The following TP63 variants were observed in gnomAD, a reference collection of about 807,000 sequenced individuals.
The protein encoded by TP63 is tumor protein 63.
TP63 carries 17 observed loss-of-function variants against 82.8 expected under a neutral mutation model. That is an observed-to-expected ratio of 0.21 (90% CI 0.14 to 0.31). The LOEUF is 0.31. Ranked by LOEUF, TP63 falls within the 10% of genes least tolerant of loss-of-function variation. The pLI, the probability that TP63 is intolerant of heterozygous loss-of-function variation, is 1.00. For synonymous variants in TP63, 330 were observed against 321.7 expected (o/e 1.03, Z -0.28); for missense variants, 648 against 895.3 (o/e 0.72, Z 3.52).
intron 1 of TP63, among the ~76,000 whole-genome samples, chr3:189,696,733 G>A (rs1717408963): frequency 6.6e-6 from 1 of 151,762 alleles, no homozygotes; most frequent in South Asian, 2.1e-4. Context: ...TTATACTTTA[G>A]CCATTATAAT....
rs2108637106 is a variant in TP63 at position 189,808,293 on chromosome 3, C to T, written c.346C>T (p.Leu116Phe). ...PMWPQYTNLG[L>F]LNSMDQQIQN... is the part of the protein sequence containing the mutation. ...GCAGCCACAGTACACGAACCTGGGG[C>T]TCCTGAACAGCATGGACCAGCAGAT... Residue 116 changes from leucine (L) to phenylalanine (F), a missense_variant, in exon 4 of 14, where the codon CTC becomes TTC. By Grantham distance (22) the Leu-to-Phe change is conservative. Around this residue, in one of 5 missense-constraint regions of TP63, gnomAD observed 182 missense variants for 213.6 expected, o/e 0.85. Transcript: ENST00000264731. 2 of 1,614,200 alleles carry T rather than the reference C, an allele frequency of 1.2e-6. No individual in the cohort carries two copies. The highest frequency in any genetic ancestry group is 1.7e-6 in the Non-Finnish European group (2 of 1,180,040).
chr3:189,844,881 T>C (rs6780540), intron 4 of TP63, among the ~76,000 whole-genome samples: 72,246 of 151,970 alleles, frequency 0.48, 18,225 homozygotes, highest in African/African-American at 0.65. Flanking sequence ...CTCATTTCTC[T>C]TCCCTAAATC....
At chr3:189,704,820 G>T (rs74421344) in intron 1 of TP63, among the ~76,000 whole-genome samples, 5,501 of 152,230 alleles carry the variant, frequency 0.036, 138 homozygotes, top group Non-Finnish European at 0.053. Context: ...ACTAGAAAAT[G>T]CTTTTAAAAA....
intron 4 of TP63, among the ~76,000 whole-genome samples, chr3:189,846,857 A>G (rs1714949402): frequency 6.6e-6 from 1 of 151,130 alleles, no homozygotes. Context: ...TAATTTTTAT[A>G]TTTTTAGTAG....
the TP63 span, among the ~76,000 whole-genome samples, chr3:189,618,947 C>G: frequency 7.2e-5 from 11 of 152,274 alleles, no homozygotes; most frequent in South Asian, 1.0e-3. Flanking sequence ...TGAGCTTGCC[C>G]TATGCACGGT....
chr3:189,634,191 A>C (rs1299901406), intron 1 of TP63, among the ~76,000 whole-genome samples: 1 of 152,124 alleles, frequency 6.6e-6, no homozygotes, highest in African/African-American at 2.4e-5. Context: ...GACCAAATTT[A>C]ATCATTCCAT....
chr3:189,721,530 A>T (rs1719391060), intron 1 of TP63, among the ~76,000 whole-genome samples: 1 of 152,044 alleles, frequency 6.6e-6, no homozygotes, highest in Non-Finnish European at 1.5e-5. Context: ...GGGTGGCAAG[A>T]CACAACAAGA....
rs181382614 is a variant in TP63, at chr3:189,698,823, T to C, written c.63-38917T>C. On this transcript the variant is annotated intron_variant, in intron 1 of 13. Transcript: ENST00000264731. ...CAGGTCAAGATAATATTTTACACAA[T>C]ATTTGAAAAATTGATATTGCTTTTT... 5.3e-5 allele frequency among the ~76,000 whole-genome samples: 8 copies of C among 152,322 alleles called. No individual in the cohort carries two copies. In the East Asian group the frequency reaches 1.3e-3, roughly 26 times the overall value.
At chr3:189,867,044 G>C (rs1001020689) in intron 6 of TP63, among the ~76,000 whole-genome samples, 1 of 152,170 alleles carries the variant, frequency 6.6e-6, no homozygotes, top group Non-Finnish European at 1.5e-5. Flanking sequence ...CTTAAGGGCA[G>C]ATAACAATTG....
At chr3:189,704,872 C>T (rs1016661397) in intron 1 of TP63, among the ~76,000 whole-genome samples, 3 of 152,192 alleles carry the variant, frequency 2.0e-5, no homozygotes, top group African/African-American at 7.2e-5. Context: ...TAAAATCTCT[C>T]ATCCATGAAA....
Position 189,896,175 on chromosome 3 carries a change from T to C in TP63, c.*1673T>C, listed in dbSNP as rs969612350. ...GGCTGTCATTGCACATAAGCTTCCA[T>C]TTTAATTTTAAAGTGCAAAAGGGCC... On this transcript the variant is annotated 3_prime_UTR_variant, in exon 14 of 14. Coordinates refer to ENST00000264731, the MANE Select transcript of TP63 (RefSeq NM_003722.5). 4.6e-6 allele frequency: 1 copy of C among 219,130 alleles called. No homozygotes were observed. Among genetic ancestry groups the C allele is most frequent in the Non-Finnish European group, 9.2e-6 (1 of 108,938 alleles). The allele number at this position is 219,130 out of a possible 1,614,324, so 13.6% of individuals were successfully genotyped here.
rs143539913 is a variant in TP63 at position 189,798,183 on chromosome 3, T to C, written c.325-10089T>C. 1.0e-3 allele frequency among the ~76,000 whole-genome samples: 159 copies of C among 152,208 alleles called. 1 individual carries two copies. The highest frequency in any genetic ancestry group is 3.6e-3 in the African/African-American group (150 of 41,570). On this transcript the variant is annotated intron_variant, in intron 3 of 13. Transcript: ENST00000264731. ...TCTTCACCTAGGAATATATGGTGTA[T>C]TGTATATACTTAAAAGGCTGTTTGT...
chr3:189,781,408 C>A (rs1324704691), intron 3 of TP63, among the ~76,000 whole-genome samples: 3 of 152,080 alleles, frequency 2.0e-5, no homozygotes, highest in African/African-American at 7.2e-5. Context: ...AAACCTGTGA[C>A]TTCTCCTATT....
At chr3:189,656,576 GA>G (rs1213866587) in intron 1 of TP63, among the ~76,000 whole-genome samples, 1 of 152,034 alleles carries the variant, frequency 6.6e-6, no homozygotes, top group South Asian at 2.1e-4. Flanking sequence ...TGTCAGGATA[GA>G]ATAATAAAAA....
At chr3:189,602,266 G>T in the TP63 span, among the ~76,000 whole-genome samples, 1 of 152,162 alleles carries the variant, frequency 6.6e-6, no homozygotes. Flanking sequence ...AATTACATGT[G>T]AACAGGAAGT....
rs947914467 is a variant in TP63 at position 189,855,305 on chromosome 3, T to C, written c.580-8927T>C. ...TTAGAGACAGTGCCACTTTATTTTT[T>C]AAAAAAGATAAACAAAATTCTACAA... On this transcript the variant is annotated intron_variant, in intron 4 of 13. Transcript: ENST00000264731. Among the ~76,000 whole-genome samples, 6 of 152,248 alleles carry C rather than the reference T, an allele frequency of 3.9e-5. No individual in the cohort carries two copies. The South Asian group carries it at 1.2e-3, about 32-fold the overall frequency.
chr3:189,651,883 C>T lies in TP63; in HGVS notation c.62+20306C>T, dbSNP rs955118417. ...GCTAAGGCTATTGCTTCAGAGGGTGCAAGCTCCAAGCTTTGGCAGCTTCCA... is the reference window on the plus strand; with the variant it reads ...GCTAAGGCTATTGCTTCAGAGGGTGTAAGCTCCAAGCTTTGGCAGCTTCCA... On this transcript the variant is annotated intron_variant, in intron 1 of 13. Coordinates refer to ENST00000264731, the MANE Select transcript of TP63 (RefSeq NM_003722.5). Among the ~76,000 whole-genome samples, 42 of 147,264 alleles carry T rather than the reference C, an allele frequency of 2.9e-4. 5 individuals carry two copies. Among genetic ancestry groups the T allele is most frequent in the Non-Finnish European group, 3.0e-5 (2 of 67,338 alleles).
At chr3:189,749,995 G>A (rs1721682103) in intron 3 of TP63, among the ~76,000 whole-genome samples, 1 of 151,908 alleles carries the variant, frequency 6.6e-6, no homozygotes, top group Non-Finnish European at 1.5e-5. Flanking sequence ...ATGGCGGCAG[G>A]CGCCTATAGT....
chr3:189,599,574 A>G, the TP63 span, among the ~76,000 whole-genome samples: 1 of 152,334 alleles, frequency 6.6e-6, no homozygotes, highest in South Asian at 2.1e-4. Context: ...CAGCAACAGG[A>G]TAGTAGCAGT....
Sources: gnomAD v4.1 joint callset for allele counts (sites outside exome capture counted in the v4.1 genomes callset) on GRCh38, gnomAD v4.1.1 for gene constraint, gnomAD v4.1.1 regional missense constraint, MANE v1.5 for transcripts, NCBI Gene and HGNC (gene_info 2026-07-23, HGNC 2026-07-21) for gene names.